The following SLC24A3 variants were observed in gnomAD, a reference collection of about 807,000 sequenced individuals.
SLC24A3 encodes the protein sodium/potassium/calcium exchanger 3.
Under a neutral mutation model 75.8 loss-of-function variants are expected in SLC24A3, and 28 were observed. The observed-to-expected ratio is 0.37, with a 90% CI of 0.27 to 0.51. SLC24A3 has a LOEUF of 0.51. Ranked by LOEUF, SLC24A3 falls within the 20% of genes least tolerant of loss-of-function variation. The probability of loss-of-function intolerance (pLI) is 0.94; values close to 1 mark genes in which losing one functional copy is unlikely to be tolerated. For synonymous variants in SLC24A3, 372 were observed against 334.1 expected (o/e 1.11, Z -1.24); for missense variants, 663 against 847.8 (o/e 0.78, Z 2.71).
At chr20:19,358,839 T>C (rs1985736186) in intron 2 of SLC24A3, among the ~76,000 whole-genome samples, 1 of 152,220 alleles carries the variant, frequency 6.6e-6, no homozygotes, top group African/African-American at 2.4e-5. Context: ...TTAGTCTAGA[T>C]TGGATATTTC....
intron 2 of SLC24A3, among the ~76,000 whole-genome samples, chr20:19,428,739 G>T (rs548166300): frequency 1.9e-4 from 29 of 150,144 alleles, no homozygotes; most frequent in Non-Finnish European, 3.4e-4. Context: ...TTGGCCACGT[G>T]GTGTTGGGTA....
At chr20:19,595,534 C>G (rs75296785) in intron 6 of SLC24A3, among the ~76,000 whole-genome samples, 12,147 of 152,218 alleles carry the variant, frequency 0.08, 661 homozygotes, top group Non-Finnish European at 0.11. Flanking sequence ...ACACCAAAGA[C>G]AAGGTGAGTT....
chr20:19,382,406 A>T (rs1397749071), intron 2 of SLC24A3, among the ~76,000 whole-genome samples: 7 of 152,194 alleles, frequency 4.6e-5, no homozygotes, highest in African/African-American at 9.7e-5. Flanking sequence ...AAGAAAAAAA[A>T]ATATTTATTT....
At chr20:19,688,482 C>G (rs901701766) in intron 12 of SLC24A3, among the ~76,000 whole-genome samples, 2 of 152,244 alleles carry the variant, frequency 1.3e-5, no homozygotes, top group African/African-American at 4.8e-5. Context: ...CAGCCAGGCC[C>G]GCTTCCTGGG....
chr20:19,344,677 G>A (rs1354715592), intron 2 of SLC24A3, among the ~76,000 whole-genome samples: 1 of 152,206 alleles, frequency 6.6e-6, no homozygotes, highest in African/African-American at 2.4e-5. Context: ...ATACTGTGGA[G>A]CATTTATTTA....
chr20:19,318,135 G>A (rs1201908254), intron 2 of SLC24A3, among the ~76,000 whole-genome samples: 1 of 152,172 alleles, frequency 6.6e-6, no homozygotes, highest in Non-Finnish European at 1.5e-5. Flanking sequence ...CTGACTCTGA[G>A]GCACGAGTCT....
At chr20:19,293,732 G>A (rs1034630915) in intron 2 of SLC24A3, among the ~76,000 whole-genome samples, 4 of 151,206 alleles carry the variant, frequency 2.6e-5, no homozygotes, top group Admixed American at 6.6e-5. Context: ...GCTCTGCTTA[G>A]TGGTTCTCAG....
At chr20:19,453,992 C>G (rs1382080605) in intron 2 of SLC24A3, among the ~76,000 whole-genome samples, 5 of 152,206 alleles carry the variant, frequency 3.3e-5, no homozygotes, top group Non-Finnish European at 7.3e-5. Context: ...GCGGTTTTTC[C>G]ACTTTACAAG....
At chr20:19,274,162 C>T (rs1007742890) in intron 1 of SLC24A3, among the ~76,000 whole-genome samples, 8 of 151,428 alleles carry the variant, frequency 5.3e-5, no homozygotes, top group African/African-American at 1.9e-4. Context: ...GAGAAATTTA[C>T]ATCCAGTGTA....
intron 13 of SLC24A3, chr20:19,695,767 A>G (rs973436775): frequency 2.0e-5 from 3 of 152,008 alleles, no homozygotes; most frequent in African/African-American, 7.2e-5. Flanking sequence ...TCTGCCCCCA[A>G]TCCTTCCAAG....
At chr20:19,698,380 C>T (rs2032834783) in intron 14 of SLC24A3, among the ~76,000 whole-genome samples, 188 bp from the exon 15 acceptor site, 1 of 152,232 alleles carries the variant, frequency 6.6e-6, no homozygotes, top group Admixed American at 6.5e-5. Flanking sequence ...GTCAACCATT[C>T]AATAGAACGT....
chr20:19,275,584 G>A (rs964652064), intron 1 of SLC24A3, among the ~76,000 whole-genome samples: 4 of 152,096 alleles, frequency 2.6e-5, no homozygotes, highest in Non-Finnish European at 2.9e-5. Flanking sequence ...GGGCATGCAG[G>A]GAGATCCATT....
chr20:19,383,731 C>G (rs989678822), intron 2 of SLC24A3, among the ~76,000 whole-genome samples: 14 of 152,180 alleles, frequency 9.2e-5, no homozygotes, highest in African/African-American at 3.4e-4. Context: ...AGTCTGAGAT[C>G]AAGGTGCTGG....
chr20:19,440,889 A>G (rs1008331139), intron 2 of SLC24A3, among the ~76,000 whole-genome samples: 1 of 152,096 alleles, frequency 6.6e-6, no homozygotes, highest in African/African-American at 2.4e-5. Context: ...CTCAGGGTGC[A>G]TTTGGATACC....
chr20:19,702,305 A>T (rs1229533122), intron 15 of SLC24A3, among the ~76,000 whole-genome samples: 2 of 152,246 alleles, frequency 1.3e-5, no homozygotes, highest in African/African-American at 2.4e-5. Flanking sequence ...ACACGGTGAC[A>T]TCATGAAAAC....
intron 2 of SLC24A3, among the ~76,000 whole-genome samples, chr20:19,387,847 A>G (rs1986298268): frequency 6.6e-6 from 1 of 152,292 alleles, no homozygotes; most frequent in East Asian, 1.9e-4. Flanking sequence ...GGTTTATAGT[A>G]TTATTTAAGT....
At chr20:19,325,845 C>A in intron 2 of SLC24A3, among the ~76,000 whole-genome samples, 1 of 75,230 alleles carries the variant, frequency 1.3e-5, no homozygotes. Flanking sequence ...GAGAGGGAGA[C>A]ATCTGGAGGA....
chr20:19,268,877 G>A (rs934907052), intron 1 of SLC24A3, among the ~76,000 whole-genome samples: 1 of 152,236 alleles, frequency 6.6e-6, no homozygotes, highest in African/African-American at 2.4e-5. Flanking sequence ...CCCAGGCAAA[G>A]AAGGAGGCTA....
intron 3 of SLC24A3, among the ~76,000 whole-genome samples, chr20:19,523,216 C>A (rs917777157): frequency 1.3e-5 from 2 of 152,150 alleles, no homozygotes; most frequent in Non-Finnish European, 2.9e-5. Flanking sequence ...GATAGGAGTG[C>A]ATTTAAACCA....
Sources: allele counts gnomAD v4.1 joint callset (sites outside exome capture counted in the v4.1 genomes callset), GRCh38; gene constraint gnomAD v4.1.1; transcripts MANE v1.5; gene names NCBI Gene and HGNC (gene_info 2026-07-23, HGNC 2026-07-21).